The following SYNE1 variants were observed in gnomAD, a reference collection of about 807,000 sequenced individuals.
The protein encoded by SYNE1 is nesprin-1.
Under a neutral mutation model 1,111.0 loss-of-function variants are expected in SYNE1, and 616 were observed. That is an observed-to-expected ratio of 0.55 (90% confidence interval 0.52 to 0.59). The LOEUF is 0.59. Ranked by LOEUF, SYNE1 falls within the 20% of genes least tolerant of loss-of-function variation. The probability of loss-of-function intolerance (pLI) is 0.00; values close to 1 mark genes in which losing one functional copy is unlikely to be tolerated. For synonymous variants in SYNE1, 3,855 were observed against 3,825.8 expected, an observed-to-expected ratio of 1.01 and a Z score of -0.28; for missense variants, 10,006 against 10,417.0, an observed-to-expected ratio of 0.96 and a Z score of 1.72.
At chr6:152,504,254 A>T (rs2099045518) in intron 9 of SYNE1, among the ~76,000 whole-genome samples, 1 of 152,174 alleles carries the variant, frequency 6.6e-6, no homozygotes, top group Non-Finnish European at 1.5e-5. Context: ...GGGTGGGGGC[A>T]GAGTGGGACT....
intron 81 of SYNE1, 79 bp from the exon 82 acceptor site, chr6:152,323,816 C>A: frequency 6.6e-7 from 1 of 1,513,438 alleles, no homozygotes; most frequent in African/African-American, 1.4e-5. Context: ...AAAAGCCACA[C>A]ACTAGTGTAT....
At chr6:152,510,010 T>G (rs1327461404) in intron 8 of SYNE1, among the ~76,000 whole-genome samples, 183 bp downstream of exon 8, 1 of 152,230 alleles carries the variant, frequency 6.6e-6, no homozygotes, top group Non-Finnish European at 1.5e-5. Context: ...TAAGAGCATT[T>G]TCCTAGAGTA....
At chr6:152,518,476 C>T (rs1219333441) in intron 6 of SYNE1, among the ~76,000 whole-genome samples, 1 of 151,918 alleles carries the variant, frequency 6.6e-6, no homozygotes, top group Non-Finnish European at 1.5e-5. Context: ...CATGTGACGT[C>T]CCTGCTCCCC....
chr6:152,236,740 T>C (rs762126297), intron 109 of SYNE1, 77 bp downstream of exon 109: 1 of 1,541,774 alleles, frequency 6.5e-7, no homozygotes, highest in Non-Finnish European at 9.0e-7. Context: ...ATAAAATAAT[T>C]GATCACAAGT....
At chr6:152,335,311 A>G (rs545641971) in intron 76 of SYNE1, 3 of 152,242 alleles carry the variant, frequency 2.0e-5, no homozygotes, top group Non-Finnish European at 4.4e-5. Flanking sequence ...TGTATATCTA[A>G]AACAAATACA....
chr6:152,204,380 G>GAA (rs768655297), intron 126 of SYNE1, among the ~76,000 whole-genome samples: 100 of 140,056 alleles, frequency 7.1e-4, no homozygotes, highest in East Asian at 1.2e-3. Flanking sequence ...AAAAAAAAAA[G>GAA]AAAAAAAAAC....
rs1593070762 is a variant in SYNE1 at position 152,455,704 on chromosome 6, C to G, written c.2728-114G>C. The G allele has an allele frequency of 1.2e-5, 18 of 1,452,072 alleles. 1 individual carries two copies. The South Asian group carries it at 1.9e-4, about 15-fold the overall frequency. 89.9% of individuals were successfully genotyped at this position (1,452,072 alleles called of 1,614,324 possible). On this transcript the variant is annotated intron_variant, in intron 23 of 145. Transcript: ENST00000367255. ...ACTTGGAAAAAAGACATTTCATCAT[C>G]ATGGGAATAATTAACTCTTTTCAAT...
At position 152,135,251 on chromosome 6, in the gene SYNE1, A is replaced by G; in HGVS notation, c.25660-19T>C. 6.2e-7 allele frequency: 1 copy of G among 1,612,298 alleles called. No homozygotes were observed. Among genetic ancestry groups the G allele is most frequent in the Non-Finnish European group, 8.5e-7 (1 of 1,178,834 alleles). Reference sequence around the variant, plus strand: ...GGAAACCCTACAGAAAACAGTTTAAAGTAACTGTAAATAAAATATTTTTAT... The same window carrying G: ...GGAAACCCTACAGAAAACAGTTTAAGGTAACTGTAAATAAAATATTTTTAT... On this transcript the variant is annotated intron_variant, in intron 141 of 145. Coordinates refer to ENST00000367255, the MANE Select transcript of SYNE1 (RefSeq NM_182961.4).
At chr6:152,527,249 A>G (rs980352425) in intron 4 of SYNE1, among the ~76,000 whole-genome samples, 1 of 152,192 alleles carries the variant, frequency 6.6e-6, no homozygotes, top group African/African-American at 2.4e-5. Flanking sequence ...GATGTAGAGC[A>G]TTTATATTTC....
rs2099017634 is a variant in SYNE1, at chr6:152,499,557, A to G, written c.889-765T>C. On this transcript the variant is annotated intron_variant, in intron 10 of 145. Transcript: ENST00000367255. ...GAATTAAGAGAGTAAGAGCTGAGTG[A>G]CAAATACTGAGTACTTTGAGGTGAG... Among the ~76,000 whole-genome samples the G allele has an allele frequency of 2.0e-5, 3 of 152,174 alleles. No homozygotes were observed. The South Asian group carries it at 6.2e-4, about 32-fold the overall frequency.
chr6:152,444,694 T>C, intron 29 of SYNE1, 116 bp from the exon 30 acceptor site: 1 of 880,698 alleles, frequency 1.1e-6, no homozygotes, highest in Non-Finnish European at 1.7e-6. Flanking sequence ...TAAGGTGTAC[T>C]ACGTGACTGT....
At chr6:152,408,057 C>T (rs2097930636) in intron 44 of SYNE1, among the ~76,000 whole-genome samples, 1 of 152,088 alleles carries the variant, frequency 6.6e-6, no homozygotes, top group Admixed American at 6.6e-5. Flanking sequence ...GCCACCACGC[C>T]CAGCCAAAGA....
intron 87 of SYNE1, 122 bp downstream of exon 87, chr6:152,316,727 A>G (rs2095733829): frequency 8.9e-7 from 1 of 1,118,954 alleles, no homozygotes; most frequent in African/African-American, 1.6e-5. Context: ...GTACCTTAGC[A>G]TTCTTTTTAT....
At chr6:152,167,798 C>A (rs771304598) in intron 130 of SYNE1, 1 of 587,496 alleles carries the variant, frequency 1.7e-6, no homozygotes, top group Non-Finnish European at 3.4e-6. Flanking sequence ...TTCTGGATCG[C>A]TTTCCTGTGT....
chr6:152,179,096 G>A (rs530900518), intron 129 of SYNE1, among the ~76,000 whole-genome samples: 156 of 152,040 alleles, frequency 1.0e-3, no homozygotes, highest in Non-Finnish European at 1.8e-3. Context: ...TGTATTTTTA[G>A]TAGAGATGGG....
rs1236214964 is a variant in SYNE1 at position 152,354,925 on chromosome 6, G to A, written c.10660C>T (p.His3554Tyr). 1 of 1,614,102 alleles carries A rather than the reference G, an allele frequency of 6.2e-7. No individual in the cohort carries two copies. The highest frequency in any genetic ancestry group is 8.5e-7 in the Non-Finnish European group (1 of 1,180,018). Reference protein sequence around the residue: ...EGQALLNSVLHTREDVIPSGI... With the variant: ...EGQALLNSVLYTREDVIPSGI... ...GATGGGATCACATCCTCTCTGGTGT[G>A]CAGCACTGAGTTCAACAGGGCCTGC... Residue 3554 changes from histidine to tyrosine, a missense_variant, in exon 67 of 146, where the codon CAC becomes TAC. His to Tyr is a moderately conservative substitution (Grantham distance 83). Transcript: ENST00000367255.
At chr6:152,263,340 T>C (rs955530972) in intron 100 of SYNE1, among the ~76,000 whole-genome samples, 3 of 152,066 alleles carry the variant, frequency 2.0e-5, no homozygotes, top group Non-Finnish European at 4.4e-5. Flanking sequence ...CCCTGCAGTG[T>C]CATCCTTAAA....
intron 3 of SYNE1, among the ~76,000 whole-genome samples, chr6:152,610,410 A>G (rs2099627990): frequency 6.6e-6 from 1 of 152,218 alleles, no homozygotes; most frequent in Non-Finnish European, 1.5e-5. Flanking sequence ...TTGAAGATCA[A>G]ATTAATGAAA....
intron 28 of SYNE1, among the ~76,000 whole-genome samples, chr6:152,447,926 G>A (rs1341718922): frequency 2.6e-5 from 4 of 152,060 alleles, no homozygotes; most frequent in Admixed American, 6.6e-5. Context: ...AATATGAGAC[G>A]CCACAATTGG....
Sources: allele counts gnomAD v4.1 joint callset (sites outside exome capture counted in the v4.1 genomes callset), GRCh38; gene constraint gnomAD v4.1.1; transcripts MANE v1.5; gene names NCBI Gene and HGNC (gene_info 2026-07-23, HGNC 2026-07-21).